The following CD2AP variants were observed in gnomAD, a reference collection of about 807,000 sequenced individuals.
CD2AP encodes the protein CD2 associated protein.
Under a neutral mutation model 85.1 loss-of-function variants are expected in CD2AP, and 46 were observed. The observed-to-expected ratio is 0.54, with a 90% CI of 0.43 to 0.69. The LOEUF is 0.69. CD2AP is among the 30% of genes least tolerant of loss of function. CD2AP has a pLI of 0.00. For synonymous variants in CD2AP, 255 were observed against 252.9 expected (o/e 1.01, Z -0.08); for missense variants, 769 against 729.5 (o/e 1.05, Z -0.62).
intron 8 of CD2AP, among the ~76,000 whole-genome samples, chr6:47,578,552 T>G (rs1477242376): frequency 6.6e-6 from 1 of 152,188 alleles, no homozygotes; most frequent in African/African-American, 2.4e-5. Flanking sequence ...ATAATGTGAT[T>G]AATTTTTAGT....
At chr6:47,562,808 A>G (rs545821513) in intron 5 of CD2AP, 9 of 1,153,902 alleles carry the variant, frequency 7.8e-6, no homozygotes, top group Admixed American at 3.4e-5. Flanking sequence ...TTGTATGTCA[A>G]GTTGGTGGAG....
At chr6:47,522,206 G>T (rs1395203506) in intron 2 of CD2AP, among the ~76,000 whole-genome samples, 1 of 152,164 alleles carries the variant, frequency 6.6e-6, no homozygotes, top group Non-Finnish European at 1.5e-5. Flanking sequence ...AATTTTGCAA[G>T]CGCCAGAGCA....
intron 3 of CD2AP, among the ~76,000 whole-genome samples, chr6:47,534,033 A>G (rs1049613491): frequency 1.3e-5 from 2 of 152,224 alleles, no homozygotes; most frequent in African/African-American, 4.8e-5. Context: ...TACCTTAACT[A>G]TATTTTAATA....
intron 2 of CD2AP, among the ~76,000 whole-genome samples, chr6:47,511,290 A>G (rs571838395): frequency 1.1e-4 from 16 of 152,258 alleles, no homozygotes; most frequent in Non-Finnish European, 2.4e-4. Context: ...CCTCAGACAA[A>G]CTAAATTGAG....
intron 14 of CD2AP, among the ~76,000 whole-genome samples, chr6:47,607,521 A>G (rs969912065): frequency 6.6e-6 from 1 of 151,990 alleles, no homozygotes; most frequent in Non-Finnish European, 1.5e-5. Context: ...AATAACTCGT[A>G]GTTTTGATTT....
intron 2 of CD2AP, among the ~76,000 whole-genome samples, chr6:47,525,568 A>T (rs1173847709): frequency 6.6e-6 from 1 of 152,158 alleles, no homozygotes; most frequent in East Asian, 1.9e-4. Context: ...AGATAGCCAG[A>T]TTATTATATG....
At chr6:47,624,105 C>A (rs903259476) in intron 17 of CD2AP, 81 bp from the exon 18 acceptor site, 4 of 1,108,474 alleles carry the variant, frequency 3.6e-6, no homozygotes, top group Admixed American at 1.9e-5. Context: ...AAAGTATGAT[C>A]ACATCTTAAT....
chr6:47,512,055 G>T (rs1766328621), intron 2 of CD2AP, among the ~76,000 whole-genome samples: 1 of 152,142 alleles, frequency 6.6e-6, no homozygotes, highest in African/African-American at 2.4e-5. Context: ...CTACTTGGGA[G>T]GCTGAGGCAG....
intron 17 of CD2AP, among the ~76,000 whole-genome samples, chr6:47,619,219 C>T (rs1411254079): frequency 1.3e-5 from 2 of 152,168 alleles, no homozygotes; most frequent in African/African-American, 4.8e-5. Flanking sequence ...TCATCCCTCG[C>T]CCCCTTCCCA....
At chr6:47,614,466 G>T (rs1322133318) in intron 17 of CD2AP, among the ~76,000 whole-genome samples, 1 of 152,188 alleles carries the variant, frequency 6.6e-6, no homozygotes, top group East Asian at 1.9e-4. Flanking sequence ...AGGCTGATCA[G>T]TGTAGCAGTT....
intron 4 of CD2AP, among the ~76,000 whole-genome samples, chr6:47,548,075 A>G (rs2171089): frequency 0.23 from 34,449 of 151,972 alleles, 4,071 homozygotes; most frequent in Non-Finnish European, 0.27. Context: ...GTCAACTTAA[A>G]AGTTAAAAGT....
chr6:47,544,908 TA>T, intron 4 of CD2AP: 1 of 484,130 alleles, frequency 2.1e-6, no homozygotes, highest in Non-Finnish European at 3.6e-6. Flanking sequence ...AATGCCCCCT[TA>T]AAGCTAAAAA....
intron 9 of CD2AP, among the ~76,000 whole-genome samples, chr6:47,580,280 G>A (rs1768438681): frequency 6.6e-6 from 1 of 152,094 alleles, no homozygotes; most frequent in South Asian, 2.1e-4. Flanking sequence ...TAAAAACCAA[G>A]TCCACCAACT....
At chr6:47,581,427 A>G (rs1002583312) in intron 10 of CD2AP, among the ~76,000 whole-genome samples, 8 of 152,100 alleles carry the variant, frequency 5.3e-5, no homozygotes, top group African/African-American at 1.7e-4. Context: ...AAAAATTTCT[A>G]TTTCCTAAAA....
chr6:47,562,157 CT>C, intron 5 of CD2AP, among the ~76,000 whole-genome samples: 1 of 152,262 alleles, frequency 6.6e-6, no homozygotes, highest in East Asian at 1.9e-4. Context: ...TGTTCGTTTG[CT>C]TTTTAGTATA....
At chr6:47,553,139 A>T (rs754388353) in intron 4 of CD2AP, among the ~76,000 whole-genome samples, 10 of 152,084 alleles carry the variant, frequency 6.6e-5, no homozygotes, top group Non-Finnish European at 1.5e-4. Context: ...GATTTCTCAT[A>T]TGCAAGTTTG....
In CD2AP at chr6:47,567,091, T is replaced by C. The variant is rs553526573; in HGVS notation, c.542-6973T>C. 1.6e-4 allele frequency among the ~76,000 whole-genome samples: 25 copies of C among 152,058 alleles called. No individual in the cohort carries two copies. In the East Asian group the frequency reaches 4.6e-3, roughly 28 times the overall value. On this transcript the variant is annotated intron_variant, in intron 5 of 17. Coordinates refer to ENST00000359314, the MANE Select transcript of CD2AP (RefSeq NM_012120.3). ...TGTTTTTCTGATTTCCCAGTTTTTT[T>C]TTTTTTAACTTTACTATGCTGTTTA...
chr6:47,594,245 T>C lies in CD2AP; in HGVS notation c.1109-1616T>C, dbSNP rs544971191. On this transcript the variant is annotated intron_variant, in intron 11 of 17. Transcript: ENST00000359314. ...TACTAAATGGCACTGAATTGTTCATTTTAGAATTTTTAATTTTGTGTTATG... is the reference window on the plus strand; with the variant it reads ...TACTAAATGGCACTGAATTGTTCATCTTAGAATTTTTAATTTTGTGTTATG... Among the ~76,000 whole-genome samples the C allele has an allele frequency of 5.9e-5, 9 of 152,152 alleles. 1 individual carries two copies. In the South Asian group the frequency reaches 1.9e-3, roughly 32 times the overall value.
At chr6:47,588,916 T>C (rs138048256) in intron 11 of CD2AP, among the ~76,000 whole-genome samples, 14 of 152,286 alleles carry the variant, frequency 9.2e-5, no homozygotes, top group African/African-American at 3.4e-4. Flanking sequence ...ATGAAACTTA[T>C]AAGAAGAATA....
Sources: gnomAD v4.1 joint callset for allele counts (sites outside exome capture counted in the v4.1 genomes callset) on GRCh38, gnomAD v4.1.1 for gene constraint, MANE v1.5 for transcripts, NCBI Gene and HGNC (gene_info 2026-07-23, HGNC 2026-07-21) for gene names.